Variants in MYPN observed in about 807,000 individuals in gnomAD.
MYPN encodes the protein sarcomeric protein myopalladin, 145 kDa (MYOP).
Under a neutral mutation model 129.4 loss-of-function variants are expected in MYPN, and 63 were observed. That is an observed-to-expected ratio of 0.49 (90% CI 0.40 to 0.60). MYPN has a LOEUF of 0.60. Ranked by LOEUF, MYPN falls within the 20% of genes least tolerant of loss-of-function variation. The pLI is 0.00. For synonymous variants in MYPN, 629 were observed against 600.9 expected (o/e 1.05, Z -0.68); for missense variants, 1,596 against 1,635.4 (o/e 0.98, Z 0.42).
intron 1 of MYPN, among the ~76,000 whole-genome samples, chr10:68,099,592 A>G: frequency 6.6e-6 from 1 of 152,024 alleles, no homozygotes; most frequent in Non-Finnish European, 1.5e-5. Context: ...GTGAGCCAAG[A>G]TCGTGCCACT....
rs148577000 is a variant in MYPN, at chr10:68,088,810, A to C, written c.-2+818A>C. 2.9e-3 allele frequency among the ~76,000 whole-genome samples: 443 copies of C among 152,260 alleles called. 1 individual carries two copies. Among genetic ancestry groups the C allele is most frequent in the African/African-American group, 0.01 (431 of 41,518 alleles). On this transcript the variant is annotated intron_variant, in intron 1 of 6. Transcript: ENST00000685154. ...CTGCTTAAAGTGTGTAAGTCAATGGATTTTAGAAAATTTACAGAGTTGTGC... is the reference window on the plus strand; with the variant it reads ...CTGCTTAAAGTGTGTAAGTCAATGGCTTTTAGAAAATTTACAGAGTTGTGC...
chr10:68,166,814 A>G, intron 10 of MYPN, 148 bp downstream of exon 10: 1 of 1,159,482 alleles, frequency 8.6e-7, no homozygotes, highest in Non-Finnish European at 1.2e-6. Flanking sequence ...GGATCGCTTG[A>G]GCCCAGGAAT....
At chr10:68,204,001 C>T (rs1247881407) in intron 18 of MYPN, among the ~76,000 whole-genome samples, 1 of 152,206 alleles carries the variant, frequency 6.6e-6, no homozygotes, top group African/African-American at 2.4e-5. Flanking sequence ...CAGCCCACTT[C>T]CCTAATGTCT....
At chr10:68,137,005 A>G (rs773759984) in intron 2 of MYPN, among the ~76,000 whole-genome samples, 17 of 152,198 alleles carry the variant, frequency 1.1e-4, no homozygotes, top group Non-Finnish European at 2.5e-4. Context: ...GTGAGGCCCA[A>G]ATGAGGTTTT....
chr10:68,130,658 T>C (rs1037793564), intron 2 of MYPN, among the ~76,000 whole-genome samples: 16 of 152,202 alleles, frequency 1.1e-4, no homozygotes, highest in African/African-American at 3.6e-4. Context: ...TTTTCCTTTA[T>C]GATGTTGGTT....
intron 12 of MYPN, among the ~76,000 whole-genome samples, chr10:68,181,609 C>T (rs1205009445): frequency 1.3e-5 from 2 of 152,130 alleles, no homozygotes; most frequent in Non-Finnish European, 2.9e-5. Flanking sequence ...CTCCTGATTC[C>T]TTCCTTTCTT....
chr10:68,209,830 G>T (rs1180080521), intron 19 of MYPN, among the ~76,000 whole-genome samples: 1 of 152,026 alleles, frequency 6.6e-6, no homozygotes, highest in Non-Finnish European at 1.5e-5. Flanking sequence ...GAGTAGCTGG[G>T]ATTACAGGTG....
At position 68,211,220 on chromosome 10, in the gene MYPN, G is replaced by A. The variant is rs1411639594; in HGVS notation, c.*765G>A. ...CCTAGACACTAGAACTAAAGGATTGGTAATAAACCAATCAGAAAGAAATCC... is the reference window on the plus strand; with the variant it reads ...CCTAGACACTAGAACTAAAGGATTGATAATAAACCAATCAGAAAGAAATCC... On this transcript the variant is annotated 3_prime_UTR_variant, in exon 20 of 20. Coordinates refer to ENST00000358913, the MANE Select transcript of MYPN (RefSeq NM_032578.4). The A allele has an allele frequency of 4.4e-6, 2 of 453,896 alleles. No individual in the cohort carries two copies. Among genetic ancestry groups the A allele is most frequent in the East Asian group, 6.9e-5 (1 of 14,402 alleles). 28.1% of individuals were successfully genotyped at this position (453,896 alleles called of 1,614,324 possible).
chr10:68,102,224 G>T (rs1314408664), upstream of MYPN, among the ~76,000 whole-genome samples: 2 of 149,244 alleles, frequency 1.3e-5, no homozygotes, highest in Non-Finnish European at 3.0e-5. Context: ...CACCTCCCAG[G>T]CTCGATCCTC....
Position 68,195,431 on chromosome 10 carries a change from C to T in MYPN, c.3076-19C>T. 2 of 1,610,300 alleles carry T rather than the reference C, an allele frequency of 1.2e-6. No individual in the cohort carries two copies. Among genetic ancestry groups the T allele is most frequent in the Non-Finnish European group, 8.5e-7 (1 of 1,176,618 alleles). ...TGAGATTGTTCTTGTTTTAATCTTG[C>T]TCTTTTTCTGTTTGTCAGGGGAGAA... is the stretch of plus-strand genomic sequence containing the variant. On this transcript the variant is annotated intron_variant, in intron 14 of 19. Transcript: ENST00000358913.
intron 19 of MYPN, among the ~76,000 whole-genome samples, chr10:68,207,370 T>G (rs954915659): frequency 6.6e-6 from 1 of 152,314 alleles, no homozygotes; most frequent in Non-Finnish European, 1.5e-5. Context: ...CTCATCCTGG[T>G]TACCTCAGGG....
intron 19 of MYPN, among the ~76,000 whole-genome samples, chr10:68,208,324 C>T (rs2043850790): frequency 6.6e-6 from 1 of 152,156 alleles, no homozygotes; most frequent in African/African-American, 2.4e-5. Context: ...TAGTACCATA[C>T]AGGAGGGGCT....
intron 19 of MYPN, 42 bp downstream of exon 19, chr10:68,206,945 C>T: frequency 1.9e-6 from 3 of 1,612,864 alleles, no homozygotes; most frequent in Non-Finnish European, 2.5e-6. Context: ...ATGCAACTGA[C>T]AGCTTAAAAA....
In MYPN at chr10:68,149,849, C is replaced by T. The variant is rs191824304; in HGVS notation, c.1246-191C>T. The stretch of plus-strand genomic sequence containing the variant: ...GGGATAGGCAGCACATATTTTATAG[C>T]CACCATGACCTAGAGAGAAATAGAG... On this transcript the variant is annotated intron_variant, in intron 5 of 19. Transcript: ENST00000358913. Among the ~76,000 whole-genome samples the T allele has an allele frequency of 7.6e-4, 116 of 152,142 alleles. 1 individual carries two copies. Among genetic ancestry groups the T allele is most frequent in the Admixed American group, 3.5e-3 (54 of 15,268 alleles).
intron 4 of MYPN, 120 bp from the exon 5 acceptor site, chr10:68,148,233 C>A (rs2042702540): frequency 4.6e-6 from 4 of 878,630 alleles, no homozygotes; most frequent in Non-Finnish European, 7.3e-6. Context: ...AAAATATCAT[C>A]AAACCAAGAT....
At chr10:68,165,499 G>A in intron 8 of MYPN, 1 of 666,496 alleles carries the variant, frequency 1.5e-6, no homozygotes, top group Non-Finnish European at 2.8e-6. Context: ...TCTGCATGGA[G>A]TTATTGTTTC....
intron 2 of MYPN, among the ~76,000 whole-genome samples, chr10:68,138,836 G>A (rs550571625): frequency 7.8e-4 from 119 of 152,262 alleles, no homozygotes; most frequent in African/African-American, 2.7e-3. Context: ...TACTACCTAA[G>A]TATTGTTCAC....
chr10:68,165,439 G>C (rs1395203178), intron 8 of MYPN: 2 of 515,272 alleles, frequency 3.9e-6, no homozygotes, highest in Non-Finnish European at 7.5e-6. Flanking sequence ...GCAACAGAGC[G>C]AGACTCCACC....
At chr10:68,159,600 C>A (rs962463673) in intron 7 of MYPN, among the ~76,000 whole-genome samples, 6 of 152,140 alleles carry the variant, frequency 3.9e-5, no homozygotes, top group African/African-American at 1.4e-4. Context: ...CCTTGTCATG[C>A]AGTGCTTTCT....
Sources: gnomAD v4.1 joint callset for allele counts (sites outside exome capture counted in the v4.1 genomes callset) on GRCh38, gnomAD v4.1.1 for gene constraint, MANE v1.5 for transcripts, NCBI Gene and HGNC (gene_info 2026-07-23, HGNC 2026-07-21) for gene names.